The following CADM1 variants were observed in gnomAD, a reference collection of about 807,000 sequenced individuals.
The protein encoded by CADM1 is cell adhesion molecule 1.
In CADM1, 15 loss-of-function variants were observed where a neutral mutation model predicts 53.1. The ratio of observed to expected loss-of-function variants is 0.28; its 90% CI spans 0.19 to 0.44. The LOEUF is 0.44. Among genes scored for constraint, CADM1 ranks in the 20% least tolerant of loss-of-function variants. The pLI is 1.00. For synonymous variants in CADM1, 281 were observed against 243.0 expected (o/e 1.16, Z -1.45); for missense variants, 434 against 611.3 (o/e 0.71, Z 3.06).
chr11:115,232,869 A>T (rs1361039164), intron 3 of CADM1, among the ~76,000 whole-genome samples: 1 of 152,220 alleles, frequency 6.6e-6, no homozygotes, highest in East Asian at 1.9e-4. Flanking sequence ...AAGTTTCTCA[A>T]CTCAGAAGAG....
chr11:115,429,821 C>T (rs2135292586), intron 1 of CADM1, among the ~76,000 whole-genome samples: 1 of 152,106 alleles, frequency 6.6e-6, no homozygotes, highest in Non-Finnish European at 1.5e-5. Context: ...TAGTAGTGTC[C>T]AAAGCAGGGA....
intron 5 of CADM1, among the ~76,000 whole-genome samples, chr11:115,225,092 C>T (rs1941553062): frequency 6.6e-6 from 1 of 152,164 alleles, no homozygotes; most frequent in Non-Finnish European, 1.5e-5. Context: ...CTGTGTGCTG[C>T]TGCTGTACCC....
At chr11:115,404,346 A>AATATATAT (rs869231204) in intron 1 of CADM1, among the ~76,000 whole-genome samples, 24 of 33,760 alleles carry the variant, frequency 7.1e-4, no homozygotes, top group East Asian at 2.0e-3. Context: ...AAAAAAAAAA[A>AATATATAT]ATATATATAT....
At chr11:115,407,355 C>T (rs531985305) in intron 1 of CADM1, among the ~76,000 whole-genome samples, 6 of 152,206 alleles carry the variant, frequency 3.9e-5, no homozygotes, top group African/African-American at 7.2e-5. Flanking sequence ...GAAGCTGAAC[C>T]GCTGGATGAG....
intron 1 of CADM1, among the ~76,000 whole-genome samples, chr11:115,275,516 T>C (rs1016534388): frequency 1.3e-5 from 2 of 152,182 alleles, no homozygotes; most frequent in African/African-American, 2.4e-5. Context: ...GCATATAAGA[T>C]TGAAGATAAA....
At chr11:115,293,405 C>G (rs1053855280) in intron 1 of CADM1, among the ~76,000 whole-genome samples, 6 of 152,112 alleles carry the variant, frequency 3.9e-5, no homozygotes, top group African/African-American at 9.7e-5. Context: ...TGCACCCCAG[C>G]CTGGGCGACA....
chr11:115,486,001 T>A (rs1949365702), intron 1 of CADM1, among the ~76,000 whole-genome samples: 1 of 152,216 alleles, frequency 6.6e-6, no homozygotes. Context: ...ATTAGAGTAG[T>A]CATTCTCCTA....
In CADM1 at chr11:115,214,635, G is replaced by A. The variant is rs775406101; in HGVS notation, c.967C>T (p.His323Tyr). The change falls in exon 7 of 12, where the codon CAC (histidine) becomes TAC (tyrosine). Residue 323 changes from histidine to tyrosine, a missense_variant. By Grantham distance (83) the His-to-Tyr change is moderately conservative. This residue lies in a region of CADM1 where 311 missense variants were observed against 435.1 expected (regional missense o/e 0.71). Coordinates refer to ENST00000331581, the MANE Select transcript of CADM1 (RefSeq NM_001301043.2). ...TATACATACAGCATATAATCCGAGT[G>A]AGCTTTCCCCACTATGTTTGAAGCT... is the stretch of plus-strand genomic sequence containing the variant. ...CEASNIVGKAHSDYMLYVYDP... is the reference protein window; with the variant it reads ...CEASNIVGKAYSDYMLYVYDP... 3 of 1,613,888 alleles carry A rather than the reference G, an allele frequency of 1.9e-6. No homozygotes were observed. The highest frequency in any genetic ancestry group is 1.3e-5 in the African/African-American group (1 of 74,912).
intron 1 of CADM1, among the ~76,000 whole-genome samples, chr11:115,243,975 T>C (rs539914887): frequency 1.2e-4 from 19 of 152,364 alleles, no homozygotes; most frequent in East Asian, 1.9e-4. Flanking sequence ...CTGGCATTTA[T>C]AGACTAATCG....
Position 115,190,387 on chromosome 11 carries a change from A to G in CADM1, c.1165+501T>C, listed in dbSNP as rs565075667. ...TTAGTTTACATCATGGTGTGTGACAAAACAATTGCTTCCCCCTCCTCCCTG... is the reference window on the plus strand; with the variant it reads ...TTAGTTTACATCATGGTGTGTGACAGAACAATTGCTTCCCCCTCCTCCCTG... On this transcript the variant is annotated intron_variant, in intron 10 of 11. Coordinates refer to ENST00000331581, the MANE Select transcript of CADM1 (RefSeq NM_001301043.2). Among the ~76,000 whole-genome samples the G allele has an allele frequency of 2.0e-5, 3 of 152,266 alleles. No homozygotes were observed. In the East Asian group the frequency reaches 5.8e-4, roughly 29 times the overall value.
chr11:115,392,493 G>A lies in CADM1; in HGVS notation c.124+111778C>T, dbSNP rs146429808. ...AAACACCACACAGACACACATATAC[G>A]TACACATTAAACATTGATTCAGAAA... On this transcript the variant is annotated intron_variant, in intron 1 of 11. Coordinates refer to ENST00000331581, the MANE Select transcript of CADM1 (RefSeq NM_001301043.2). 5.8e-3 allele frequency among the ~76,000 whole-genome samples: 880 copies of A among 152,034 alleles called. 5 individuals carry two copies. Among genetic ancestry groups the A allele is most frequent in the Middle Eastern group, 0.034 (10 of 292 alleles).
At chr11:115,500,749 A>G (rs1654657819) in intron 1 of CADM1, among the ~76,000 whole-genome samples, 1 of 152,158 alleles carries the variant, frequency 6.6e-6, no homozygotes, top group South Asian at 2.1e-4. Flanking sequence ...GGTAGCTAGC[A>G]TTGTCTTCTG....
chr11:115,307,673 AT>A (rs1944414217), intron 1 of CADM1, among the ~76,000 whole-genome samples: 1 of 151,854 alleles, frequency 6.6e-6, no homozygotes, highest in Non-Finnish European at 1.5e-5. Context: ...CTTTGAGTCT[AT>A]GTAAGGTGAG....
chr11:115,175,113 C>T lies in CADM1; in HGVS notation c.*1361G>A, dbSNP rs567184538. The stretch of plus-strand genomic sequence containing the variant: ...AAAGGTAAAAAGATAAAAACACTCA[C>T]ATTTGAGTTTTGATTAAGTAACTGA... On this transcript the variant is annotated 3_prime_UTR_variant, in exon 12 of 12. Transcript: ENST00000331581. 24 of 985,844 alleles carry T rather than the reference C, an allele frequency of 2.4e-5. No individual in the cohort carries two copies. The African/African-American group carries it at 3.5e-4, about 14-fold the overall frequency. 61.1% of individuals were successfully genotyped at this position (985,844 alleles called of 1,614,324 possible). A position where few individuals can be genotyped will look rare whatever the true frequency, so the allele number is the denominator to read the frequency against.
chr11:115,220,856 T>G (rs1941380007), intron 5 of CADM1, among the ~76,000 whole-genome samples: 1 of 152,172 alleles, frequency 6.6e-6, no homozygotes, highest in South Asian at 2.1e-4. Context: ...GGACATTAAA[T>G]TTTCCATTGA....
chr11:115,417,508 C>T (rs552677113), intron 1 of CADM1, among the ~76,000 whole-genome samples: 1 of 152,276 alleles, frequency 6.6e-6, no homozygotes, highest in East Asian at 1.9e-4. Flanking sequence ...CAATAAGAGA[C>T]TGACAACAAT....
chr11:115,402,121 G>A (rs114352835), intron 1 of CADM1, among the ~76,000 whole-genome samples: 313 of 152,256 alleles, frequency 2.1e-3, no homozygotes, highest in African/African-American at 7.1e-3. Context: ...AAACCCTTGT[G>A]CATAGCAAAA....
chr11:115,229,066 T>C (rs537007444), intron 5 of CADM1, 47 bp downstream of exon 5: 2 of 1,593,402 alleles, frequency 1.3e-6, no homozygotes, highest in African/African-American at 1.3e-5. Context: ...AGAGTTTCTA[T>C]GTAACTGCAA....
intron 1 of CADM1, chr11:115,445,847 A>C (rs1485521223): frequency 2.3e-6 from 1 of 429,284 alleles, no homozygotes; most frequent in African/African-American, 2.1e-5. Context: ...CTGTCAAAAA[A>C]GAAAAAACGA....
Sources: gnomAD v4.1 joint callset for allele counts (sites outside exome capture counted in the v4.1 genomes callset) on GRCh38, gnomAD v4.1.1 for gene constraint, gnomAD v4.1.1 regional missense constraint, MANE v1.5 for transcripts, NCBI Gene and HGNC (gene_info 2026-07-23, HGNC 2026-07-21) for gene names.